The following PGD variants were observed in gnomAD, a reference collection of about 807,000 sequenced individuals.
PGD encodes the protein 6-phosphogluconate dehydrogenase, decarboxylating.
A neutral mutation model predicts 60.4 loss-of-function variants in PGD; 21 were observed. The observed-to-expected ratio is 0.35, with a 90% CI of 0.25 to 0.50. PGD has a LOEUF of 0.50. Ranked by LOEUF, PGD falls within the 20% of genes least tolerant of loss-of-function variation. PGD has a pLI of 0.98. For synonymous variants in PGD, 230 were observed against 235.9 expected, an observed-to-expected ratio of 0.97 and a Z score of 0.23; for missense variants, 477 against 613.1, an observed-to-expected ratio of 0.78 and a Z score of 2.34.
In PGD at chr1:10,419,624, T is replaced by G. The variant is rs1639656519; in HGVS notation, c.1333-6T>G. Reference sequence around the variant, plus strand: ...GTCCTGACCAACCTACTCTCTCGTTTCCTAGGCTCAGCGGGATTACTTCGG... The same window carrying G: ...GTCCTGACCAACCTACTCTCTCGTTGCCTAGGCTCAGCGGGATTACTTCGG... On this transcript the variant is annotated splice_region_variant and splice_polypyrimidine_tract_variant and intron_variant, in intron 12 of 12. Transcript: ENST00000270776. 6.2e-7 allele frequency: 1 copy of G among 1,614,012 alleles called. No individual in the cohort carries two copies. The highest frequency in any genetic ancestry group is 8.5e-7 in the Non-Finnish European group (1 of 1,179,948).
intron 8 of PGD, among the ~76,000 whole-genome samples, chr1:10,415,054 G>C (rs1226178259): frequency 6.6e-6 from 1 of 150,828 alleles, no homozygotes; most frequent in Admixed American, 6.6e-5. Context: ...TCGCACCACT[G>C]CACTCCAGGC....
chr1:10,413,022 C>T (rs1639524233), intron 7 of PGD, 40 bp from the exon 8 acceptor site: 2 of 1,566,530 alleles, frequency 1.3e-6, no homozygotes, highest in South Asian at 1.1e-5. Context: ...GCTCAGCCCT[C>T]ATTCCTCTAA....
intron 8 of PGD, 112 bp downstream of exon 8, chr1:10,413,363 A>C (rs1639532769): frequency 1.1e-6 from 1 of 934,386 alleles, no homozygotes; most frequent in African/African-American, 1.6e-5. Context: ...TTTAGCTTTC[A>C]GAGTGCCTTT....
chr1:10,419,626 C>T lies in PGD; in HGVS notation c.1333-4C>T. ...CCTGACCAACCTACTCTCTCGTTTC[C>T]TAGGCTCAGCGGGATTACTTCGGGG... On this transcript the variant is annotated splice_region_variant and splice_polypyrimidine_tract_variant and intron_variant, in intron 12 of 12. Transcript: ENST00000270776. The T allele has an allele frequency of 6.2e-7, 1 of 1,614,164 alleles. No homozygotes were observed. The highest frequency in any genetic ancestry group is 8.5e-7 in the Non-Finnish European group (1 of 1,179,958).
intron 5 of PGD, among the ~76,000 whole-genome samples, chr1:10,407,345 G>A (rs1008770419): frequency 6.6e-6 from 1 of 152,222 alleles, no homozygotes; most frequent in Admixed American, 6.5e-5. Flanking sequence ...ACCTACTTGG[G>A]AGGCTGAGGC....
chr1:10,414,912 GA>G (rs1161683648), intron 8 of PGD, among the ~76,000 whole-genome samples: 2 of 151,324 alleles, frequency 1.3e-5, no homozygotes, highest in African/African-American at 4.9e-5. Flanking sequence ...CCAACATGGC[GA>G]AACCCCATCT....
chr1:10,413,912 A>G (rs1411388814), intron 8 of PGD, among the ~76,000 whole-genome samples: 3 of 151,822 alleles, frequency 2.0e-5, no homozygotes, highest in Non-Finnish European at 4.4e-5. Context: ...CTCAAAAAAA[A>G]AAAAAAATTA....
At chr1:10,408,379 C>G (rs1408571197) in intron 6 of PGD, among the ~76,000 whole-genome samples, 1 of 152,014 alleles carries the variant, frequency 6.6e-6, no homozygotes, top group Middle Eastern at 3.2e-3. Context: ...TATAATTCAT[C>G]TAAAAGATGA....
intron 2 of PGD, chr1:10,400,065 G>C: frequency 2.2e-6 from 1 of 458,470 alleles, no homozygotes; most frequent in Non-Finnish European, 4.0e-6. Context: ...ATGTTAAAGT[G>C]GCTTAGACGC....
At chr1:10,403,357 G>A (rs7531838) in intron 4 of PGD, among the ~76,000 whole-genome samples, 23 of 152,012 alleles carry the variant, frequency 1.5e-4, no homozygotes, top group South Asian at 6.2e-4. Flanking sequence ...TTTGGGAGAC[G>A]GAGGCAGGTG....
At position 10,419,972 on chromosome 1, in the gene PGD, G is replaced by C. The variant is rs747951320; in HGVS notation, c.*223G>C. The C allele has an allele frequency of 4.8e-5, 26 of 542,214 alleles. No homozygotes were observed. The East Asian group carries it at 6.2e-4, about 13-fold the overall frequency. The allele number at this position is 542,214 out of a possible 1,614,324, so 33.6% of individuals were successfully genotyped here. ...GACTGACCAGGAGCTGCTCATGTGC[G>C]TGAGAGTGGGAACCATCTCCTTGCG... On this transcript the variant is annotated 3_prime_UTR_variant, in exon 13 of 13. Transcript: ENST00000270776.
At chr1:10,417,620 AT>A in intron 10 of PGD, 111 bp downstream of exon 10, 1 of 1,017,250 alleles carries the variant, frequency 9.8e-7, no homozygotes, top group Non-Finnish European at 1.4e-6. Flanking sequence ...ACTTAGCCCC[AT>A]CACTGGACAC....
intron 4 of PGD, 127 bp downstream of exon 4, chr1:10,403,263 A>AT: frequency 1.5e-6 from 1 of 684,776 alleles, no homozygotes; most frequent in Non-Finnish European, 2.7e-6. Flanking sequence ...TACTACTGAT[A>AT]CAATAGTTCT....
rs1321399380 is a variant in PGD, at chr1:10,419,873, C to A, written c.*124C>A. 2.6e-6 allele frequency: 3 copies of A among 1,136,710 alleles called. No individual in the cohort carries two copies. In the East Asian group the frequency reaches 7.1e-5, roughly 27 times the overall value. The allele number at this position is 1,136,710 out of a possible 1,614,324, so 70.4% of individuals were successfully genotyped here. A position where few individuals can be genotyped will look rare whatever the true frequency, so the allele number is the denominator to read the frequency against. On this transcript the variant is annotated 3_prime_UTR_variant, in exon 13 of 13. Transcript: ENST00000270776. ...TTTTTTAAAAGTGTTGTAAGAGACT[C>A]CTGAGGAAGACACACAGTTTATTTG...
chr1:10,400,369 T>C, intron 2 of PGD, 24 bp from the exon 3 acceptor site: 1 of 1,562,282 alleles, frequency 6.4e-7, no homozygotes, highest in Non-Finnish European at 8.8e-7. Flanking sequence ...CTGGATCTCC[T>C]ACTCAGGACT....
rs772880280 is a variant in PGD, at chr1:10,419,426, C to A, written c.1219C>A (p.Arg407=). The change falls in exon 12 of 13, where the codon CGG becomes AGG. Residue 407 remains arginine, a synonymous_variant. Transcript: ENST00000270776. ...SAVENCQDSW[R]RAVSTGVQAG... ...TGCGTTTTGTGCTCAGGACTCCTGG[C>A]GGCGGGCAGTCAGCACTGGGGTCCA... 2 of 1,613,204 alleles carry A rather than the reference C, an allele frequency of 1.2e-6. No individual in the cohort carries two copies. The highest frequency in any genetic ancestry group is 1.1e-5 in the South Asian group (1 of 90,990).
intron 10 of PGD, 115 bp downstream of exon 10, chr1:10,417,624 C>T (rs1639619679): frequency 5.2e-6 from 5 of 958,074 alleles, no homozygotes; most frequent in Non-Finnish European, 6.2e-6. Context: ...AGCCCCATCA[C>T]TGGACACTGG....
Position 10,419,465 on chromosome 1 carries a change from ATGCCCTGTTTTACCAC to A in PGD, c.1265_1280del (p.Cys422SerfsTer93). The A allele has an allele frequency of 6.2e-7, 1 of 1,614,128 alleles. No individual in the cohort carries two copies. The highest frequency in any genetic ancestry group is 8.5e-7 in the Non-Finnish European group (1 of 1,180,018). ...CACTGGGGTCCAGGCTGGCATTCCC[ATGCCCTGTTTTACCAC>A]TGCCCTCTCCTTCTATGACGGGTAC... On this transcript the variant is annotated frameshift_variant, in exon 12 of 13. Coordinates refer to ENST00000270776, the MANE Select transcript of PGD (RefSeq NM_002631.4). LOFTEE classifies it high-confidence loss of function.
chr1:10,403,269 G>A, intron 4 of PGD, 133 bp downstream of exon 4: 1 of 662,196 alleles, frequency 1.5e-6, no homozygotes, highest in Non-Finnish European at 2.7e-6. Flanking sequence ...TGATACAATA[G>A]TTCTCAGCCT....
Sources: gnomAD v4.1 joint callset for allele counts (sites outside exome capture counted in the v4.1 genomes callset) on GRCh38, gnomAD v4.1.1 for gene constraint, MANE v1.5 for transcripts, NCBI Gene and HGNC (gene_info 2026-07-23, HGNC 2026-07-21) for gene names.